IFT43: variants seen among roughly 807,000 people sequenced by gnomAD.
The protein encoded by IFT43 is intraflagellar transport protein 43 homolog.
In IFT43, 33 loss-of-function variants were observed where a neutral mutation model predicts 32.3. The ratio of observed to expected loss-of-function variants is 1.02; its 90% CI spans 0.77 to 1.37. IFT43 has a LOEUF of 1.37. IFT43 is among the 40% of genes most tolerant of loss of function. IFT43 has a pLI of 0.00. For missense variants in IFT43, 274 were observed against 265.9 expected, an observed-to-expected ratio of 1.03 and a Z score of -0.21; for synonymous variants, 93 against 98.2, an observed-to-expected ratio of 0.95 and a Z score of 0.31.
rs145874470 is a variant in IFT43, at chr14:76,034,612, T to C, written c.215+12218T>C. ...GTAGAAGGGCTGTTTATGAATCTGA[T>C]TGAGGAGCTCATAGCTAAGGAATAT... On this transcript the variant is annotated intron_variant, in intron 3 of 8. Transcript: ENST00000314067. Among the ~76,000 whole-genome samples the C allele has an allele frequency of 3.4e-3, 524 of 152,368 alleles. 2 individuals are homozygous for C. The highest frequency in any genetic ancestry group is 8.1e-3 in the Admixed American group (124 of 15,306).
chr14:76,039,394 C>T (rs930880964), intron 3 of IFT43, among the ~76,000 whole-genome samples: 42 of 152,238 alleles, frequency 2.8e-4, no homozygotes, highest in African/African-American at 9.9e-4. Flanking sequence ...CCTGATCTCA[C>T]GCAATCCTCC....
intron 3 of IFT43, among the ~76,000 whole-genome samples, chr14:76,057,263 C>A (rs1313582266): frequency 6.6e-6 from 1 of 151,526 alleles, no homozygotes; most frequent in Non-Finnish European, 1.5e-5. Flanking sequence ...GACGGAGTCT[C>A]ACTCTGTTGC....
At chr14:76,022,195 G>A (rs2036304281) in intron 2 of IFT43, 132 bp from the exon 3 acceptor site, 8 of 724,394 alleles carry the variant, frequency 1.1e-5, no homozygotes, top group Non-Finnish European at 1.9e-5. Flanking sequence ...AGGTTCCAGT[G>A]AGCTGAGGTC....
intron 5 of IFT43, 117 bp downstream of exon 5, chr14:76,059,490 C>G: frequency 1.1e-6 from 1 of 929,568 alleles, no homozygotes. Context: ...CAGTGGTCTT[C>G]TGACGCATGC....
chr14:76,025,140 T>C lies in IFT43; in HGVS notation c.215+2746T>C, dbSNP rs568758932. Reference sequence around the variant, plus strand: ...AGTGATCGAATTTAACTACTTAAGATATACACAGGAATAGTTTCTCAAAGA... The same window carrying C: ...AGTGATCGAATTTAACTACTTAAGACATACACAGGAATAGTTTCTCAAAGA... On this transcript the variant is annotated intron_variant, in intron 3 of 8. Coordinates refer to ENST00000314067, the MANE Select transcript of IFT43 (RefSeq NM_001102564.3). Among the ~76,000 whole-genome samples, 20 of 152,332 alleles carry C rather than the reference T, an allele frequency of 1.3e-4. No homozygotes were observed. The South Asian group carries it at 4.1e-3, about 32-fold the overall frequency.
intron 2 of IFT43, among the ~76,000 whole-genome samples, chr14:76,019,995 A>G (rs1435255621): frequency 6.7e-6 from 1 of 148,824 alleles, no homozygotes; most frequent in African/African-American, 2.5e-5. Context: ...TTTTTTTTGG[A>G]GACGGAATCT....
At chr14:76,002,302 A>C (rs1434327638) in intron 2 of IFT43, among the ~76,000 whole-genome samples, 1 of 152,152 alleles carries the variant, frequency 6.6e-6, no homozygotes, top group Non-Finnish European at 1.5e-5. Context: ...ATGGCAATTA[A>C]ATTTCAACCC....
chr14:76,034,594 G>A (rs940028925), intron 3 of IFT43, among the ~76,000 whole-genome samples: 1 of 152,176 alleles, frequency 6.6e-6, no homozygotes, highest in Non-Finnish European at 1.5e-5. Context: ...GAAGTAGAAG[G>A]GCTGTTTATG....
rs138791440 is a variant in IFT43 at position 76,034,359 on chromosome 14, T to G, written c.215+11965T>G. On this transcript the variant is annotated intron_variant, in intron 3 of 8. Coordinates refer to ENST00000314067, the MANE Select transcript of IFT43 (RefSeq NM_001102564.3). Reference sequence around the variant, plus strand: ...TCTTCCTTGTCCCCATCATGAGGGCTCCACCCTCATAATCTCATCTAAACC... The same window carrying G: ...TCTTCCTTGTCCCCATCATGAGGGCGCCACCCTCATAATCTCATCTAAACC... Among the ~76,000 whole-genome samples, 259 of 152,286 alleles carry G rather than the reference T, an allele frequency of 1.7e-3. 1 individual carries two copies. The highest frequency in any genetic ancestry group is 2.9e-3 in the Non-Finnish European group (196 of 68,016).
intron 4 of IFT43, 65 bp from the exon 5 acceptor site, chr14:76,059,262 T>C: frequency 6.2e-7 from 1 of 1,613,132 alleles, no homozygotes; most frequent in South Asian, 1.1e-5. Context: ...AATAAACATT[T>C]GGGATGTTCC....
intron 3 of IFT43, among the ~76,000 whole-genome samples, chr14:76,057,341 C>T (rs1350292699): frequency 6.6e-6 from 1 of 152,046 alleles, no homozygotes; most frequent in Non-Finnish European, 1.5e-5. Flanking sequence ...AAGCGATTCT[C>T]CTGTCTCAGC....
At chr14:76,010,037 C>T (rs1006307794) in intron 2 of IFT43, among the ~76,000 whole-genome samples, 1 of 152,162 alleles carries the variant, frequency 6.6e-6, no homozygotes, top group Non-Finnish European at 1.5e-5. Flanking sequence ...TCAGGTGATC[C>T]TCCCTCCTCG....
intron 2 of IFT43, among the ~76,000 whole-genome samples, chr14:75,997,235 T>TAGAGGGGTGGTCGTA (rs1434446367): frequency 6.6e-6 from 1 of 152,206 alleles, no homozygotes; most frequent in East Asian, 1.9e-4. Flanking sequence ...ATACAGGTGA[T>TAGAGGGGTGGTCGTA]AGAGGGGTGG....
intron 3 of IFT43, among the ~76,000 whole-genome samples, chr14:76,042,773 G>A (rs542901611): frequency 2.0e-5 from 3 of 152,346 alleles, no homozygotes; most frequent in South Asian, 2.1e-4. Context: ...CAGGCAGCCC[G>A]CTCAGGAGCC....
intron 5 of IFT43, among the ~76,000 whole-genome samples, chr14:76,062,489 A>G (rs77301981): frequency 0.011 from 1,684 of 152,320 alleles, 31 homozygotes; most frequent in African/African-American, 0.038. Flanking sequence ...ACACTCTTCA[A>G]CTTACAGTCT....
At chr14:76,051,997 G>A (rs1456933914) in intron 3 of IFT43, among the ~76,000 whole-genome samples, 2 of 152,170 alleles carry the variant, frequency 1.3e-5, no homozygotes, top group African/African-American at 2.4e-5. Context: ...GGATGGACTC[G>A]CATAGGGCCT....
chr14:76,021,145 G>A (rs1276038488), intron 2 of IFT43, among the ~76,000 whole-genome samples: 1 of 152,010 alleles, frequency 6.6e-6, no homozygotes, highest in Non-Finnish European at 1.5e-5. Flanking sequence ...GTGGTGGTGG[G>A]TGGGGTCAGC....
chr14:76,014,564 G>A (rs774015289), intron 2 of IFT43, among the ~76,000 whole-genome samples: 1 of 152,132 alleles, frequency 6.6e-6, no homozygotes, highest in Non-Finnish European at 1.5e-5. Context: ...ACCATCCCCA[G>A]TATCACTACA....
At position 75,991,388 on chromosome 14, in the gene IFT43, AGTGTGTGTGTGT is replaced by A. The variant is rs34624480; in HGVS notation, c.147+2438_147+2449del. ...ATATATATATATAAATATTAACAAG[AGTGTGTGTGTGT>A]GTGTGTGTGTGTGTGTGTGTGTGTG... is the stretch of plus-strand genomic sequence containing the variant. On this transcript the variant is annotated intron_variant, in intron 2 of 8. Coordinates refer to ENST00000314067, the MANE Select transcript of IFT43 (RefSeq NM_001102564.3). Among the ~76,000 whole-genome samples the A allele has an allele frequency of 7.4e-4, 105 of 141,996 alleles. 1 individual carries two copies. Among genetic ancestry groups the A allele is most frequent in the East Asian group, 3.3e-3 (16 of 4,894 alleles). The allele number at this position is 141,996 out of a possible 152,430, so 93.2% of individuals were successfully genotyped here.
Sources: gnomAD v4.1 joint callset for allele counts (sites outside exome capture counted in the v4.1 genomes callset) on GRCh38, gnomAD v4.1.1 for gene constraint, MANE v1.5 for transcripts, NCBI Gene and HGNC (gene_info 2026-07-23, HGNC 2026-07-21) for gene names.